The following EIPR1 variants were observed in gnomAD, a reference collection of about 807,000 sequenced individuals.
EIPR1 encodes the protein EARP complex and GARP complex interacting protein 1.
In EIPR1, 25 loss-of-function variants were observed where a neutral mutation model predicts 48.1. The ratio of observed to expected loss-of-function variants is 0.52; its 90% CI spans 0.38 to 0.73. The LOEUF (loss-of-function observed/expected upper bound fraction) is 0.73. Ranked by LOEUF, EIPR1 falls within the 30% of genes least tolerant of loss-of-function variation. The pLI is 0.00. For missense variants in EIPR1, 415 were observed against 506.2 expected (o/e 0.82, Z 1.73); for synonymous variants, 204 against 201.9 (o/e 1.01, Z -0.09).
intron 4 of EIPR1, among the ~76,000 whole-genome samples, chr2:3,218,425 C>T (rs1005785801): frequency 4.7e-5 from 7 of 149,128 alleles, no homozygotes; most frequent in Non-Finnish European, 1.0e-4. Flanking sequence ...CACAGTGAGT[C>T]AGGTGCACAC....
At chr2:3,373,272 T>C (rs1446070000) in intron 1 of EIPR1, among the ~76,000 whole-genome samples, 2 of 151,352 alleles carry the variant, frequency 1.3e-5, no homozygotes, top group Admixed American at 6.6e-5. Flanking sequence ...ACAGCCAATA[T>C]CATACTGAAT....
chr2:3,340,824 C>T (rs1331724157), intron 2 of EIPR1, among the ~76,000 whole-genome samples: 4 of 152,006 alleles, frequency 2.6e-5, no homozygotes, highest in Non-Finnish European at 4.4e-5. Context: ...AGGCCAGGCG[C>T]GGTGGCTGAC....
At chr2:3,365,479 GCTT>G (rs1220648812) in intron 1 of EIPR1, among the ~76,000 whole-genome samples, 4 of 97,908 alleles carry the variant, frequency 4.1e-5, no homozygotes, top group African/African-American at 1.2e-4. Flanking sequence ...CTCAGAAAAA[GCTT>G]TTTTTTTTTT....
intron 2 of EIPR1, among the ~76,000 whole-genome samples, chr2:3,351,431 C>CT (rs769246499): frequency 6.6e-6 from 1 of 152,222 alleles, no homozygotes; most frequent in Non-Finnish European, 1.5e-5. Context: ...AACTATCATG[C>CT]TTTCCATGGC....
intron 3 of EIPR1, among the ~76,000 whole-genome samples, chr2:3,305,210 C>A (rs1668899090): frequency 6.9e-6 from 1 of 144,496 alleles, no homozygotes; most frequent in African/African-American, 2.6e-5. Context: ...CCACTCCCGT[C>A]CTGTTCAGCC....
chr2:3,263,502 T>C (rs533729837), intron 3 of EIPR1, among the ~76,000 whole-genome samples: 1 of 152,196 alleles, frequency 6.6e-6, no homozygotes, highest in South Asian at 2.1e-4. Flanking sequence ...CCACTACAAA[T>C]AGCACATAAT....
rs922462605 is a variant in EIPR1, at chr2:3,339,904, G to C, written c.127-1755C>G. 9.4e-4 allele frequency among the ~76,000 whole-genome samples: 143 copies of C among 152,190 alleles called. 1 individual carries two copies. The highest frequency in any genetic ancestry group is 5.5e-4 in the African/African-American group (23 of 41,460). Reference sequence around the variant, plus strand: ...GGCGGAGCCTGCAGTGAGCCGAGATGGCGCCACCGCACTCCAGCCTGGGCG... The same window carrying C: ...GGCGGAGCCTGCAGTGAGCCGAGATCGCGCCACCGCACTCCAGCCTGGGCG... On this transcript the variant is annotated intron_variant, in intron 2 of 8. Transcript: ENST00000382125.
chr2:3,356,803 C>T (rs1226941042), intron 1 of EIPR1, among the ~76,000 whole-genome samples: 2 of 152,202 alleles, frequency 1.3e-5, no homozygotes, highest in Non-Finnish European at 2.9e-5. Context: ...AGAACAGGGT[C>T]TGGAGGCAGG....
intron 3 of EIPR1, among the ~76,000 whole-genome samples, chr2:3,287,749 C>T (rs898890039): frequency 7.2e-5 from 11 of 151,972 alleles, no homozygotes; most frequent in Admixed American, 5.9e-4. Context: ...AAAGCTCATT[C>T]ACTATGCTCC....
chr2:3,277,174 C>T lies in EIPR1; in HGVS notation c.260-19719G>A, dbSNP rs540685697. 2.7e-5 allele frequency among the ~76,000 whole-genome samples: 4 copies of T among 146,366 alleles called. No homozygotes were observed. The South Asian group carries it at 6.5e-4, about 24-fold the overall frequency. ...GGAGAAACCACAGAAATCCAGGAGC[C>T]TCTCCACCCACGCGGCCCCACACCT... On this transcript the variant is annotated intron_variant, in intron 3 of 8. Coordinates refer to ENST00000382125, the MANE Select transcript of EIPR1 (RefSeq NM_003310.5).
intron 1 of EIPR1, among the ~76,000 whole-genome samples, chr2:3,366,456 C>A (rs1199177310): frequency 6.6e-6 from 1 of 152,074 alleles, no homozygotes; most frequent in Non-Finnish European, 1.5e-5. Flanking sequence ...GACAGACAAC[C>A]CCCAAAACAC....
chr2:3,212,772 T>TCCC (rs1665501918), intron 5 of EIPR1, among the ~76,000 whole-genome samples: 1 of 152,220 alleles, frequency 6.6e-6, no homozygotes, highest in African/African-American at 2.4e-5. Flanking sequence ...CTTAAAAGTT[T>TCCC]GTGTGAAACT....
At chr2:3,206,321 G>C (rs1359763554) in intron 5 of EIPR1, among the ~76,000 whole-genome samples, 1 of 152,196 alleles carries the variant, frequency 6.6e-6, no homozygotes, top group African/African-American at 2.4e-5. Flanking sequence ...TAGCCCTGAG[G>C]GAGGCTCTGC....
chr2:3,294,070 A>G (rs1337314805), intron 3 of EIPR1, among the ~76,000 whole-genome samples: 1 of 152,164 alleles, frequency 6.6e-6, no homozygotes, highest in Admixed American at 6.5e-5. Flanking sequence ...TAAACAAAAA[A>G]TTATGTATAA....
intron 4 of EIPR1, among the ~76,000 whole-genome samples, chr2:3,246,075 A>C (rs939693025): frequency 6.6e-6 from 1 of 152,150 alleles, no homozygotes; most frequent in African/African-American, 2.4e-5. Context: ...CTGAGTGACA[A>C]AGCCAGACCC....
At chr2:3,229,764 G>A (rs1666181673) in intron 4 of EIPR1, among the ~76,000 whole-genome samples, 1 of 152,080 alleles carries the variant, frequency 6.6e-6, no homozygotes, top group Admixed American at 6.5e-5. Flanking sequence ...TTTCATTAAC[G>A]TCTGTTCATT....
intron 4 of EIPR1, among the ~76,000 whole-genome samples, chr2:3,251,059 T>C (rs1046576383): frequency 5.9e-5 from 9 of 151,492 alleles, no homozygotes; most frequent in South Asian, 2.1e-4. Flanking sequence ...TACTGAAAAA[T>C]AGTTAAAACA....
At chr2:3,225,502 TCC>T (rs1666035580) in intron 4 of EIPR1, among the ~76,000 whole-genome samples, 1 of 152,140 alleles carries the variant, frequency 6.6e-6, no homozygotes, top group Non-Finnish European at 1.5e-5. Context: ...TGTCTCAGCT[TCC>T]CAAAGTGCTT....
At chr2:3,317,625 A>G (rs927795016) in intron 3 of EIPR1, among the ~76,000 whole-genome samples, 4 of 152,196 alleles carry the variant, frequency 2.6e-5, no homozygotes, top group African/African-American at 9.6e-5. Flanking sequence ...AGCTATATGG[A>G]CTGAATCCAC....
Sources: gnomAD v4.1 joint callset for allele counts (sites outside exome capture counted in the v4.1 genomes callset) on GRCh38, gnomAD v4.1.1 for gene constraint, MANE v1.5 for transcripts, NCBI Gene and HGNC (gene_info 2026-07-23, HGNC 2026-07-21) for gene names.